The following SLC25A28 variants were observed in gnomAD, a reference collection of about 807,000 sequenced individuals.
SLC25A28 encodes solute carrier family 25 member 28.
SLC25A28 carries 10 observed loss-of-function variants against 31.9 expected under a neutral mutation model. The ratio of observed to expected loss-of-function variants is 0.31; its 90% CI spans 0.19 to 0.53. The LOEUF (loss-of-function observed/expected upper bound fraction) is 0.53. SLC25A28 is among the 20% of genes least tolerant of loss of function. The pLI, the probability that SLC25A28 is intolerant of heterozygous loss-of-function variation, is 0.95. For synonymous variants in SLC25A28, 208 were observed against 203.6 expected (o/e 1.02, Z -0.19); for missense variants, 256 against 490.3 (o/e 0.52, Z 4.51).
chr10:99,618,145 T>G, intron 1 of SLC25A28: 5 of 450,378 alleles, frequency 1.1e-5, no homozygotes, highest in Non-Finnish European at 1.5e-5. Flanking sequence ...GGCAAAGATT[T>G]GCCTCCCTTA....
upstream of SLC25A28, chr10:99,620,865 G>C (rs1470803642): frequency 2.0e-6 from 2 of 985,374 alleles, no homozygotes; most frequent in Non-Finnish European, 2.4e-6. Flanking sequence ...GCAGAGCTGC[G>C]GTCCCTGTGC....
chr10:99,653,246 T>C, the SLC25A28 span, among the ~76,000 whole-genome samples: 3 of 152,168 alleles, frequency 2.0e-5, no homozygotes, highest in Admixed American at 1.3e-4. Context: ...CCTGGCTCGT[T>C]CTCTTTAGGA....
the SLC25A28 span, among the ~76,000 whole-genome samples, chr10:99,651,173 G>A: frequency 6.6e-6 from 1 of 152,098 alleles, no homozygotes; most frequent in Admixed American, 6.5e-5. Flanking sequence ...TCTCTGGTGA[G>A]TCCTAGCATT....
At chr10:99,626,951 T>A in the SLC25A28 span, among the ~76,000 whole-genome samples, 2 of 152,078 alleles carry the variant, frequency 1.3e-5, no homozygotes, top group Non-Finnish European at 2.9e-5. Context: ...TTTAAAAAAA[T>A]AATTAATTTT....
intron 1 of SLC25A28, among the ~76,000 whole-genome samples, chr10:99,614,953 T>A (rs576748617): frequency 2.0e-5 from 3 of 152,340 alleles, no homozygotes; most frequent in Admixed American, 1.3e-4. Context: ...TTTTGTCACA[T>A]AACTGTATCA....
At chr10:99,615,621 T>C (rs2034633254) in intron 1 of SLC25A28, 13 of 985,158 alleles carry the variant, frequency 1.3e-5, no homozygotes, top group Non-Finnish European at 1.6e-5. Flanking sequence ...CTTTCCTACT[T>C]CCCCCCACAA....
At position 99,617,371 on chromosome 10, in the gene SLC25A28, A is replaced by G. The variant is rs865877880; in HGVS notation, c.291+2674T>C. 48 of 985,454 alleles carry G rather than the reference A, an allele frequency of 4.9e-5. No individual in the cohort carries two copies. In the Middle Eastern group the frequency reaches 2.6e-3, roughly 54 times the overall value. 61.0% of individuals were successfully genotyped at this position (985,454 alleles called of 1,614,324 possible). ...GATATTTAAAGTCAACTTGACCCTG[A>G]TAAGTAGCTGAGGATGGACAGGCCT... On this transcript the variant is annotated intron_variant, in intron 1 of 3. Transcript: ENST00000370495.
intron 1 of SLC25A28, chr10:99,618,243 A>C: frequency 1.0e-6 from 1 of 966,684 alleles, no homozygotes; most frequent in Non-Finnish European, 1.2e-6. Flanking sequence ...AAATATATGG[A>C]GTAAGGAGAT....
At chr10:99,621,716 C>G (rs897484619), upstream of SLC25A28, 3 of 152,274 alleles carry the variant, frequency 2.0e-5, no homozygotes, top group African/African-American at 7.2e-5. Flanking sequence ...CTCTGTTTTA[C>G]CCAGATGATG....
the SLC25A28 span, among the ~76,000 whole-genome samples, chr10:99,645,213 T>C: frequency 6.6e-6 from 1 of 152,232 alleles, no homozygotes; most frequent in Non-Finnish European, 1.5e-5. Flanking sequence ...GATTTGGTCT[T>C]TTCACATAGT....
At chr10:99,658,142 G>A in the SLC25A28 span, among the ~76,000 whole-genome samples, 4 of 152,240 alleles carry the variant, frequency 2.6e-5, no homozygotes, top group Admixed American at 6.5e-5. Context: ...AACCACGATC[G>A]CACCACTGCA....
chr10:99,620,394 C>T lies in SLC25A28; in HGVS notation c.-59G>A, dbSNP rs2034762473. On this transcript the variant is annotated 5_prime_UTR_variant, in exon 1 of 4. Coordinates refer to ENST00000370495, the MANE Select transcript of SLC25A28 (RefSeq NM_031212.4). ...GCCGCTGCCACCACTGCCGCCGCCG[C>T]CCCCCGGCCCCGTAGTGTCCGCCTC... is the stretch of plus-strand genomic sequence containing the variant. The T allele has an allele frequency of 9.4e-7, 1 of 1,065,972 alleles. No individual in the cohort carries two copies. The highest frequency in any genetic ancestry group is 1.1e-6 in the Non-Finnish European group (1 of 882,740). The allele number at this position is 1,065,972 out of a possible 1,614,324, so 66.0% of individuals were successfully genotyped here. A position where few individuals can be genotyped will look rare whatever the true frequency, so the allele number is the denominator to read the frequency against.
the SLC25A28 span, among the ~76,000 whole-genome samples, chr10:99,637,255 C>G: frequency 6.6e-6 from 1 of 152,096 alleles, no homozygotes; most frequent in East Asian, 1.9e-4. Flanking sequence ...ATGATTAAAA[C>G]TCTCAGCAAA....
At chr10:99,615,475 C>T in intron 1 of SLC25A28, 3 of 985,282 alleles carry the variant, frequency 3.0e-6, no homozygotes, top group Non-Finnish European at 3.6e-6. Flanking sequence ...TCCCGGTTAG[C>T]TGCAAGCAAT....
At chr10:99,650,136 T>C in the SLC25A28 span, among the ~76,000 whole-genome samples, 1 of 152,204 alleles carries the variant, frequency 6.6e-6, no homozygotes, top group Non-Finnish European at 1.5e-5. Context: ...TGTTGTGCTT[T>C]CATTTTCATT....
In SLC25A28 at chr10:99,611,238, C is replaced by G. The variant is rs1272558111; in HGVS notation, c.706G>C (p.Val236Leu). 1 of 1,614,140 alleles carries G rather than the reference C, an allele frequency of 6.2e-7. No homozygotes were observed. The highest frequency in any genetic ancestry group is 1.7e-5 in the Admixed American group (1 of 60,020). ...ATGAAGTGAATGGCTTGGAAAGGAA[C>G]GTTCATGGTCAGCTGGGTGGTGTAG... ...RSYTTQLTMN[V>L]PFQAIHFMTY... Residue 236 changes from valine (V) to leucine (L), a missense_variant, in exon 4 of 4, where the codon GTT becomes CTT. Val to Leu is a conservative substitution (Grantham distance 32). Transcript: ENST00000370495. The surrounding 1 kb of genome is among the most constrained non-coding windows in gnomAD (Gnocchi z 5.5).
At chr10:99,616,468 A>C (rs2034657961) in intron 1 of SLC25A28, 1 of 983,386 alleles carries the variant, frequency 1.0e-6, no homozygotes, top group Non-Finnish European at 1.2e-6. Flanking sequence ...ATATTTGTTC[A>C]TATCTAAGAA....
At position 99,610,554 on chromosome 10, in the gene SLC25A28, G is replaced by T. The variant is rs1204466788; in HGVS notation, c.*295C>A. ...TAAAGGCTTTTTATTAGGAACCAGG[G>T]GAATGAGCTGCTTATCCCTCTATAA... On this transcript the variant is annotated 3_prime_UTR_variant, in exon 4 of 4. Coordinates refer to ENST00000370495, the MANE Select transcript of SLC25A28 (RefSeq NM_031212.4). 1 of 347,614 alleles carries T rather than the reference G, an allele frequency of 2.9e-6. No homozygotes were observed. The highest frequency in any genetic ancestry group is 5.3e-6 in the Non-Finnish European group (1 of 190,134). The allele number at this position is 347,614 out of a possible 1,614,324, so 21.5% of individuals were successfully genotyped here. A position where few individuals can be genotyped will look rare whatever the true frequency, so the allele number is the denominator to read the frequency against.
chr10:99,648,007 A>ATTTT, the SLC25A28 span, among the ~76,000 whole-genome samples: 1 of 143,366 alleles, frequency 7.0e-6, no homozygotes, highest in African/African-American at 2.5e-5. Context: ...TATTCCATTG[A>ATTTT]TTTTTTTTTT....
Sources: allele counts gnomAD v4.1 joint callset (sites outside exome capture counted in the v4.1 genomes callset), GRCh38; gene constraint gnomAD v4.1.1; non-coding constraint Gnocchi (gnomAD v3.1); transcripts MANE v1.5; gene names NCBI Gene and HGNC (gene_info 2026-07-23, HGNC 2026-07-21).